The following CDH18 variants were observed in gnomAD, a reference collection of about 807,000 sequenced individuals.
The protein encoded by CDH18 is cadherin 18, also known as cadherin-18.
Under a neutral mutation model 67.9 loss-of-function variants are expected in CDH18, and 31 were observed. The ratio of observed to expected loss-of-function variants is 0.46; its 90% confidence interval spans 0.34 to 0.62. The LOEUF (loss-of-function observed/expected upper bound fraction) is 0.62, where lower values mean the gene tolerates loss of function less well. Among genes scored for constraint, CDH18 ranks in the 20% least tolerant of loss-of-function variants. The pLI, the probability that CDH18 is intolerant of heterozygous loss-of-function variation, is 0.01. For synonymous variants in CDH18, 362 were observed against 347.2 expected (o/e 1.04, Z -0.48); for missense variants, 890 against 975.5 (o/e 0.91, Z 1.17).
chr5:20,463,662 C>T (rs1277573214), intron 1 of CDH18, among the ~76,000 whole-genome samples: 2 of 152,148 alleles, frequency 1.3e-5, no homozygotes, highest in Non-Finnish European at 2.9e-5. Context: ...TCCCACAACA[C>T]ATGAGGACAA....
At chr5:20,018,543 T>C (rs1738095789) in intron 2 of CDH18, among the ~76,000 whole-genome samples, 1 of 152,190 alleles carries the variant, frequency 6.6e-6, no homozygotes, top group African/African-American at 2.4e-5. Flanking sequence ...CTAAACAATC[T>C]TTGATATTTG....
At chr5:19,952,881 G>C (rs1336229141) in intron 2 of CDH18, among the ~76,000 whole-genome samples, 1 of 152,076 alleles carries the variant, frequency 6.6e-6, no homozygotes, top group Non-Finnish European at 1.5e-5. Flanking sequence ...CTTGAAACTA[G>C]AGCCTCTAAA....
At position 20,177,997 on chromosome 5, in the gene CDH18, C is replaced by G. The variant is rs529622796; in HGVS notation, c.-518+77447G>C. On this transcript the variant is annotated intron_variant, in intron 2 of 14. Coordinates refer to the CDH18 transcript ENST00000507958. ...CTTCGGTATGTCTTTATCAGCAGCA[C>G]GAGAAAAGACTAACACACCTCCTTA... Among the ~76,000 whole-genome samples the G allele has an allele frequency of 3.3e-5, 5 of 152,142 alleles. No homozygotes were observed. The East Asian group carries it at 9.7e-4, about 29-fold the overall frequency.
intron 1 of CDH18, among the ~76,000 whole-genome samples, chr5:20,415,031 C>T (rs750467799): frequency 6.6e-6 from 1 of 152,154 alleles, no homozygotes; most frequent in Non-Finnish European, 1.5e-5. Flanking sequence ...AAGATACTAA[C>T]ATGTTAATTG....
intron 2 of CDH18, among the ~76,000 whole-genome samples, chr5:20,172,228 A>ACATG (rs1561848726): frequency 3.6e-5 from 4 of 110,736 alleles, no homozygotes; most frequent in African/African-American, 1.5e-4. Context: ...ATATATGTAT[A>ACATG]TATATATATA....
intron 2 of CDH18, among the ~76,000 whole-genome samples, chr5:20,228,964 G>C (rs756672826): frequency 6.6e-6 from 1 of 151,978 alleles, no homozygotes; most frequent in African/African-American, 2.4e-5. Context: ...ACTTAAGATG[G>C]GTTATGTTAA....
At chr5:19,909,089 T>C (rs1280595649) in intron 2 of CDH18, among the ~76,000 whole-genome samples, 1 of 152,108 alleles carries the variant, frequency 6.6e-6, no homozygotes, top group Non-Finnish European at 1.5e-5. Flanking sequence ...ATAGTAACAG[T>C]GCAGACAGGA....
intron 1 of CDH18, among the ~76,000 whole-genome samples, chr5:20,474,404 A>G (rs1046695897): frequency 2.6e-5 from 4 of 152,184 alleles, no homozygotes; most frequent in African/African-American, 9.6e-5. Flanking sequence ...TCTCTAGCTT[A>G]CTAAGTTCCC....
At chr5:20,509,640 C>CCACCAAGCTGGCCAGGATAGTCTT (rs1754899832) in intron 1 of CDH18, among the ~76,000 whole-genome samples, 6 of 2,296 alleles carry the variant, frequency 2.6e-3, no homozygotes, top group African/African-American at 4.5e-3. Context: ...AGGATAGTCT[C>CCACCAAGCTGGCCAGGATAGTCTT]GATCTCCTGA....
At chr5:19,927,443 T>C (rs1793213924) in intron 2 of CDH18, among the ~76,000 whole-genome samples, 1 of 152,142 alleles carries the variant, frequency 6.6e-6, no homozygotes, top group Admixed American at 6.6e-5. Context: ...GAAATTGATC[T>C]CAAAAGTCTC....
intron 1 of CDH18, among the ~76,000 whole-genome samples, chr5:20,550,512 C>T (rs1757573182): frequency 6.6e-6 from 1 of 152,166 alleles, no homozygotes; most frequent in African/African-American, 2.4e-5. Context: ...TTAATTCAAT[C>T]AATACTTCTT....
chr5:19,476,272 T>C (rs1264552899), intron 12 of CDH18, among the ~76,000 whole-genome samples: 2 of 152,028 alleles, frequency 1.3e-5, no homozygotes, highest in East Asian at 1.9e-4. Flanking sequence ...ACAGCAGACA[T>C]GGGAAGCATT....
chr5:20,105,970 AAT>A (rs1428471101), intron 2 of CDH18, among the ~76,000 whole-genome samples: 7 of 152,136 alleles, frequency 4.6e-5, no homozygotes, highest in African/African-American at 1.7e-4. Context: ...GAATGTAGTA[AAT>A]AGGTAGCTGT....
chr5:19,548,442 T>C (rs550755518), intron 8 of CDH18, among the ~76,000 whole-genome samples: 29 of 152,238 alleles, frequency 1.9e-4, no homozygotes, highest in African/African-American at 5.1e-4. Context: ...CCTTTGAGTA[T>C]TGCCATATGT....
chr5:19,740,408 C>T (rs1581140531), intron 4 of CDH18, among the ~76,000 whole-genome samples: 1 of 151,954 alleles, frequency 6.6e-6, no homozygotes, highest in Non-Finnish European at 1.5e-5. Context: ...GCAATAGAAA[C>T]AAATTTCAGT....
intron 1 of CDH18, among the ~76,000 whole-genome samples, chr5:20,372,072 T>G (rs534313447): frequency 1.3e-5 from 2 of 152,102 alleles, no homozygotes; most frequent in East Asian, 3.9e-4. Flanking sequence ...AAAAGATACA[T>G]TTTTTTTGTA....
chr5:20,406,422 G>A (rs541694821), intron 1 of CDH18, among the ~76,000 whole-genome samples: 6 of 151,580 alleles, frequency 4.0e-5, no homozygotes, highest in Admixed American at 2.6e-4. Flanking sequence ...ATCACACCCC[G>A]GGGCCTGTTG....
intron 3 of CDH18, among the ~76,000 whole-genome samples, chr5:19,784,709 C>T (rs1775511642): frequency 6.6e-6 from 1 of 152,130 alleles, no homozygotes; most frequent in Non-Finnish European, 1.5e-5. Context: ...AATCTTACTT[C>T]ATTTTTTAGA....
chr5:19,741,539 C>A (rs913522025), intron 4 of CDH18, among the ~76,000 whole-genome samples: 3 of 152,052 alleles, frequency 2.0e-5, no homozygotes, highest in African/African-American at 7.2e-5. Context: ...CGACTTTCCT[C>A]AGTGTTTTCA....
Sources: gnomAD v4.1 joint callset for allele counts (sites outside exome capture counted in the v4.1 genomes callset) on GRCh38, gnomAD v4.1.1 for gene constraint, MANE v1.5 for transcripts, NCBI Gene and HGNC (gene_info 2026-07-23, HGNC 2026-07-21) for gene names.